Variants in PTPRD observed in about 807,000 individuals in gnomAD.
PTPRD encodes protein tyrosine phosphatase receptor type D, also known as receptor-type tyrosine-protein phosphatase delta.
Under a neutral mutation model 214.5 loss-of-function variants are expected in PTPRD, and 34 were observed. The observed-to-expected ratio is 0.16, with a 90% CI of 0.12 to 0.21. The LOEUF (loss-of-function observed/expected upper bound fraction) is 0.21, where lower values mean the gene tolerates loss of function less well. PTPRD is among the 10% of genes least tolerant of loss of function. PTPRD has a pLI of 1.00. For synonymous variants in PTPRD, 1,128 were observed against 845.7 expected (o/e 1.33, Z -5.79); for missense variants, 2,545 against 2,398.7 (o/e 1.06, Z -1.27).
At chr9:9,331,780 C>T (rs1024612918) in intron 9 of PTPRD, among the ~76,000 whole-genome samples, 3 of 151,972 alleles carry the variant, frequency 2.0e-5, no homozygotes, top group African/African-American at 7.2e-5. Flanking sequence ...TAAATAGGTG[C>T]AGTGACATAG....
At chr9:9,187,540 T>C (rs2099932387) in intron 9 of PTPRD, among the ~76,000 whole-genome samples, 1 of 151,946 alleles carries the variant, frequency 6.6e-6, no homozygotes, top group Admixed American at 6.6e-5. Context: ...TTGGCAAACA[T>C]GTTAGATTTC....
At chr9:8,931,369 G>A (rs1006091194) in intron 11 of PTPRD, among the ~76,000 whole-genome samples, 5 of 152,052 alleles carry the variant, frequency 3.3e-5, no homozygotes, top group African/African-American at 1.2e-4. Flanking sequence ...CTCTAGCCTT[G>A]TAGTATAGTT....
At chr9:9,766,618 C>G (rs2098708946) in intron 6 of PTPRD, among the ~76,000 whole-genome samples, 192 bp downstream of exon 6, 1 of 151,848 alleles carries the variant, frequency 6.6e-6, no homozygotes, top group African/African-American at 2.4e-5. Flanking sequence ...CTTTCTGTAC[C>G]CAGGCAATGG....
intron 4 of PTPRD, among the ~76,000 whole-genome samples, chr9:9,999,598 T>G (rs1263089191): frequency 6.6e-6 from 1 of 152,230 alleles, no homozygotes; most frequent in African/African-American, 2.4e-5. Context: ...GTCACTCTCA[T>G]GGGAATTGTT....
At chr9:9,302,835 C>T (rs939217691) in intron 9 of PTPRD, among the ~76,000 whole-genome samples, 18 of 151,686 alleles carry the variant, frequency 1.2e-4, no homozygotes, top group African/African-American at 4.4e-4. Context: ...TTACCATTTT[C>T]CTTTAAAACC....
At chr9:9,197,606 T>C (rs573822772) in intron 9 of PTPRD, among the ~76,000 whole-genome samples, 1 of 152,144 alleles carries the variant, frequency 6.6e-6, no homozygotes, top group South Asian at 2.1e-4. Flanking sequence ...AGATGGAGTT[T>C]CACCATGTTG....
At chr9:8,863,609 G>A (rs2098143917) in intron 11 of PTPRD, among the ~76,000 whole-genome samples, 2 of 152,056 alleles carry the variant, frequency 1.3e-5, no homozygotes, top group Admixed American at 1.3e-4. Context: ...TTGTGTATTG[G>A]TTTTGTTTTT....
chr9:9,943,440 T>C (rs1415897748), intron 4 of PTPRD, among the ~76,000 whole-genome samples: 1 of 152,146 alleles, frequency 6.6e-6, no homozygotes, highest in Non-Finnish European at 1.5e-5. Context: ...ATTCCCAAAA[T>C]ATTTGAAATA....
At chr9:8,516,824 G>C (rs1296910676) in intron 21 of PTPRD, among the ~76,000 whole-genome samples, 1 of 34,612 alleles carries the variant, frequency 2.9e-5, no homozygotes, top group African/African-American at 9.5e-5. Context: ...TTTTTTTTTT[G>C]AGATGGAGTC....
chr9:10,261,947 G>T (rs2093725115), intron 3 of PTPRD, among the ~76,000 whole-genome samples: 1 of 152,014 alleles, frequency 6.6e-6, no homozygotes, highest in Admixed American at 6.6e-5. Flanking sequence ...TTGTTTTGAG[G>T]AGAAATATAT....
intron 3 of PTPRD, among the ~76,000 whole-genome samples, chr9:10,199,911 GCACACACA>G (rs772202474): frequency 1.3e-4 from 11 of 82,890 alleles, no homozygotes; most frequent in Non-Finnish European, 2.9e-4. Context: ...GCGCACACAC[GCACACACA>G]CACACACACA....
At chr9:8,720,189 T>G (rs1019506168) in intron 12 of PTPRD, among the ~76,000 whole-genome samples, 1 of 152,166 alleles carries the variant, frequency 6.6e-6, no homozygotes, top group Non-Finnish European at 1.5e-5. Flanking sequence ...ATGGCTTGGC[T>G]CTTATATCTA....
intron 3 of PTPRD, among the ~76,000 whole-genome samples, chr9:10,233,608 T>A (rs2099619447): frequency 2.0e-5 from 3 of 152,002 alleles, no homozygotes. Flanking sequence ...TTTCATTATA[T>A]TTTACTTGCC....
intron 12 of PTPRD, among the ~76,000 whole-genome samples, chr9:8,732,675 A>G (rs113546650): frequency 4.6e-5 from 7 of 152,188 alleles, no homozygotes; most frequent in African/African-American, 1.7e-4. Context: ...TGCATATTAC[A>G]TATGTATCTT....
chr9:10,197,057 G>A (rs562798274), intron 3 of PTPRD, among the ~76,000 whole-genome samples: 2 of 152,016 alleles, frequency 1.3e-5, no homozygotes, highest in African/African-American at 4.8e-5. Flanking sequence ...AAGCCCCCTA[G>A]TTTATGCTGT....
At chr9:10,278,088 A>G (rs1272934220) in intron 3 of PTPRD, among the ~76,000 whole-genome samples, 1 of 151,932 alleles carries the variant, frequency 6.6e-6, no homozygotes, top group Non-Finnish European at 1.5e-5. Context: ...TGAACTTGGG[A>G]GGTGGAGCGA....
intron 2 of PTPRD, among the ~76,000 whole-genome samples, chr9:10,455,798 G>GA (rs2098910635): frequency 6.6e-6 from 1 of 151,372 alleles, no homozygotes; most frequent in African/African-American, 2.4e-5. Flanking sequence ...TATTTATAAG[G>GA]AAAAAACTAT....
chr9:9,100,150 C>G (rs1385680780), intron 10 of PTPRD, among the ~76,000 whole-genome samples: 1 of 151,958 alleles, frequency 6.6e-6, no homozygotes, highest in African/African-American at 2.4e-5. Context: ...AATGGGGTAT[C>G]TTTACTTGAA....
intron 2 of PTPRD, among the ~76,000 whole-genome samples, chr9:10,582,433 T>C (rs1355629374): frequency 6.6e-6 from 1 of 152,176 alleles, no homozygotes; most frequent in Admixed American, 6.5e-5. Flanking sequence ...AAAGTTCTCC[T>C]CAAATCCACT....
Sources: gnomAD v4.1 joint callset for allele counts (sites outside exome capture counted in the v4.1 genomes callset) on GRCh38, gnomAD v4.1.1 for gene constraint, MANE v1.5 for transcripts, NCBI Gene and HGNC (gene_info 2026-07-23, HGNC 2026-07-21) for gene names.